The following DTNB variants were observed in gnomAD, a reference collection of about 807,000 sequenced individuals.
DTNB encodes the protein DTN-B.
Under a neutral mutation model 90.7 loss-of-function variants are expected in DTNB, and 63 were observed. The observed-to-expected ratio is 0.69, with a 90% CI of 0.57 to 0.86. DTNB has a LOEUF of 0.86. Among genes scored for constraint, DTNB ranks in the 40% least tolerant of loss-of-function variants. The probability of loss-of-function intolerance (pLI) is 0.00; values close to 1 mark genes in which losing one functional copy is unlikely to be tolerated. For synonymous variants in DTNB, 277 were observed against 286.7 expected (o/e 0.97, Z 0.34); for missense variants, 744 against 807.1 (o/e 0.92, Z 0.95).
intron 1 of DTNB, chr2:25,672,867 A>ATGT (rs2086381140): frequency 6.6e-6 from 1 of 152,068 alleles, no homozygotes; most frequent in Admixed American, 6.5e-5. Flanking sequence ...TCGTCTCGGG[A>ATGT]CACTTCTTTC....
intron 10 of DTNB, among the ~76,000 whole-genome samples, chr2:25,480,414 TC>T (rs2150369910): frequency 6.6e-6 from 1 of 152,314 alleles, no homozygotes; most frequent in African/African-American, 2.4e-5. Context: ...CTATAGATTA[TC>T]TGAAGCAGCT....
intron 4 of DTNB, among the ~76,000 whole-genome samples, chr2:25,614,330 T>C (rs1319023057): frequency 6.6e-6 from 1 of 151,734 alleles, no homozygotes; most frequent in Non-Finnish European, 1.5e-5. Flanking sequence ...ACCCAGCTGG[T>C]GAAATAAGAC....
At chr2:25,488,908 C>A (rs1455429296) in intron 9 of DTNB, among the ~76,000 whole-genome samples, 1 of 152,234 alleles carries the variant, frequency 6.6e-6, no homozygotes, top group East Asian at 1.9e-4. Context: ...GCCACAGCCT[C>A]CCAAAGTGCT....
At chr2:25,430,145 T>C (rs903534750) in intron 14 of DTNB, among the ~76,000 whole-genome samples, 1 of 151,972 alleles carries the variant, frequency 6.6e-6, no homozygotes, top group Non-Finnish European at 1.5e-5. Context: ...ATATGTAAAA[T>C]CTTGTGTGTA....
Position 25,659,866 on chromosome 2 carries a change from C to T in DTNB, c.-1-7205G>A, listed in dbSNP as rs1256825668. 2.0e-5 allele frequency among the ~76,000 whole-genome samples: 3 copies of T among 152,182 alleles called. No individual in the cohort carries two copies. In the East Asian group the frequency reaches 5.8e-4, roughly 29 times the overall value. On this transcript the variant is annotated intron_variant, in intron 1 of 20. Coordinates refer to ENST00000406818, the MANE Select transcript of DTNB (RefSeq NM_021907.5). Reference sequence around the variant, plus strand: ...CCTACTCATTTTGTAGCCAGCATTACCTAGATAACAAAACCCAACAAAGGC... The same window carrying T: ...CCTACTCATTTTGTAGCCAGCATTATCTAGATAACAAAACCCAACAAAGGC...
chr2:25,606,178 G>C (rs894426083), intron 5 of DTNB, among the ~76,000 whole-genome samples: 1 of 134,082 alleles, frequency 7.5e-6, no homozygotes, highest in African/African-American at 3.0e-5. Context: ...TCAAACCTCT[G>C]TATCTTTCAA....
chr2:25,598,072 A>T (rs1217649013), intron 5 of DTNB, among the ~76,000 whole-genome samples: 1 of 152,216 alleles, frequency 6.6e-6, no homozygotes, highest in African/African-American at 2.4e-5. Context: ...AGTTCCCAGC[A>T]AGTAGCGGTC....
chr2:25,572,168 G>A (rs2059966569), intron 8 of DTNB, among the ~76,000 whole-genome samples: 1 of 152,072 alleles, frequency 6.6e-6, no homozygotes, highest in Non-Finnish European at 1.5e-5. Flanking sequence ...GAACTAAAAA[G>A]GCAAACTATC....
At chr2:25,654,824 G>A (rs923112294) in intron 1 of DTNB, among the ~76,000 whole-genome samples, 3 of 152,146 alleles carry the variant, frequency 2.0e-5, no homozygotes, top group Admixed American at 6.5e-5. Context: ...TCTGAATCTC[G>A]GATTCATCAT....
intron 9 of DTNB, among the ~76,000 whole-genome samples, chr2:25,485,402 G>A (rs1199371442): frequency 1.3e-5 from 2 of 152,068 alleles, no homozygotes; most frequent in Non-Finnish European, 2.9e-5. Context: ...CAAATTCCTA[G>A]AACATAAATC....
intron 10 of DTNB, among the ~76,000 whole-genome samples, chr2:25,466,152 T>C (rs2061737816): frequency 1.3e-5 from 2 of 152,094 alleles, no homozygotes; most frequent in African/African-American, 2.4e-5. Context: ...GGCCAACATA[T>C]AGTGAAACCC....
chr2:25,441,510 C>T (rs999241222), intron 12 of DTNB, among the ~76,000 whole-genome samples: 2 of 152,098 alleles, frequency 1.3e-5, no homozygotes, highest in Non-Finnish European at 2.9e-5. Context: ...TTTAATGAGG[C>T]GATGTCATGT....
intron 16 of DTNB, chr2:25,419,275 T>C (rs2048716770): frequency 3.3e-6 from 2 of 602,942 alleles, no homozygotes; most frequent in Non-Finnish European, 3.0e-6. Context: ...CACACTTCAA[T>C]GCGCACAACA....
intron 8 of DTNB, among the ~76,000 whole-genome samples, chr2:25,564,300 T>C (rs4665793): frequency 0.3 from 45,125 of 152,122 alleles, 7,378 homozygotes; most frequent in Middle Eastern, 0.42. Context: ...TGTAGATGAA[T>C]TGGGGAGTAC....
intron 14 of DTNB, among the ~76,000 whole-genome samples, chr2:25,429,870 G>C (rs1403913041): frequency 6.6e-6 from 1 of 152,094 alleles, no homozygotes; most frequent in Non-Finnish European, 1.5e-5. Flanking sequence ...TGTAATGAAT[G>C]ATTGAAAAGA....
At chr2:25,553,718 C>G (rs1215896977) in intron 8 of DTNB, among the ~76,000 whole-genome samples, 1 of 92,316 alleles carries the variant, frequency 1.1e-5, no homozygotes, top group Admixed American at 1.6e-4. Flanking sequence ...CCAGCCTGGA[C>G]AACAAGAGCG....
chr2:25,400,007 T>C (rs911852009), intron 16 of DTNB, among the ~76,000 whole-genome samples: 7 of 152,166 alleles, frequency 4.6e-5, no homozygotes, highest in Non-Finnish European at 1.0e-4. Context: ...GCTTCTAACT[T>C]TCCTTTCTCA....
Position 25,444,797 on chromosome 2 carries a change from T to C in DTNB, c.1257+6751A>G, listed in dbSNP as rs72849901. Among the ~76,000 whole-genome samples the C allele has an allele frequency of 7.1e-3, 1,088 of 152,220 alleles. 13 individuals are homozygous for C. Among genetic ancestry groups the C allele is most frequent in the African/African-American group, 0.025 (1,026 of 41,524 alleles). On this transcript the variant is annotated intron_variant, in intron 12 of 20. Transcript: ENST00000406818. ...ACCTATCTGGCAGGTTATAAATAAA[T>C]TCTTTCGAGCACTACACCCACTTTA...
At chr2:25,670,156 G>T (rs2085487884) in intron 1 of DTNB, among the ~76,000 whole-genome samples, 1 of 152,156 alleles carries the variant, frequency 6.6e-6, no homozygotes, top group Admixed American at 6.5e-5. Flanking sequence ...GTTCCAACAT[G>T]AAAAAATCTC....
Sources: allele counts gnomAD v4.1 joint callset (sites outside exome capture counted in the v4.1 genomes callset), GRCh38; gene constraint gnomAD v4.1.1; transcripts MANE v1.5; gene names NCBI Gene and HGNC (gene_info 2026-07-23, HGNC 2026-07-21).